The following CAMTA1 variants were observed in gnomAD, a reference collection of about 807,000 sequenced individuals.
CAMTA1 encodes calmodulin-binding transcription activator 1.
CAMTA1 carries 27 observed loss-of-function variants against 170.9 expected under a neutral mutation model. The observed-to-expected ratio is 0.16, with a 90% CI of 0.12 to 0.22. The LOEUF (loss-of-function observed/expected upper bound fraction) is 0.22. Among genes scored for constraint, CAMTA1 ranks in the 10% least tolerant of loss-of-function variants. CAMTA1 has a pLI of 1.00. For missense variants in CAMTA1, 1,619 were observed against 2,217.2 expected (o/e 0.73, Z 5.42); for synonymous variants, 833 against 891.5 (o/e 0.93, Z 1.17).
chr1:7,037,118 C>A lies in CAMTA1; in HGVS notation c.235-54186C>A, dbSNP rs567716642. ...AGCATTGTCTAAAGATTTACTTGAA[C>A]TAATTGAGTAGATGATGGAAAGAGA... On this transcript the variant is annotated intron_variant, in intron 3 of 22. Coordinates refer to ENST00000303635, the MANE Select transcript of CAMTA1 (RefSeq NM_015215.4). 6.6e-4 allele frequency among the ~76,000 whole-genome samples: 100 copies of A among 152,294 alleles called. 1 individual carries two copies. In the South Asian group the frequency reaches 0.019, roughly 30 times the overall value.
At chr1:7,261,208 C>T (rs1425107943) in intron 5 of CAMTA1, among the ~76,000 whole-genome samples, 1 of 152,188 alleles carries the variant, frequency 6.6e-6, no homozygotes, top group Non-Finnish European at 1.5e-5. Context: ...CCTTCCTTCC[C>T]TCTGGTTCCT....
intron 5 of CAMTA1, among the ~76,000 whole-genome samples, chr1:7,340,544 G>GCCTCCCTCCCCCCCCCCCCCCCCCC (rs772743867): frequency 3.8e-5 from 4 of 105,416 alleles, no homozygotes; most frequent in Admixed American, 1.0e-4. Flanking sequence ...CTGCCTGCCT[G>GCCTCCCTCCCCCCCCCCCCCCCCCC]CCTGCCTGCC....
chr1:7,267,938 A>C (rs1421010200), intron 5 of CAMTA1, among the ~76,000 whole-genome samples: 2 of 152,158 alleles, frequency 1.3e-5, no homozygotes, highest in Non-Finnish European at 2.9e-5. Flanking sequence ...CACCTATAAA[A>C]ATGTCCAGAG....
intron 7 of CAMTA1, among the ~76,000 whole-genome samples, chr1:7,649,985 A>T (rs1477984019): frequency 1.3e-5 from 2 of 152,220 alleles, no homozygotes; most frequent in African/African-American, 2.4e-5. Context: ...GGGAGCTCAG[A>T]GGCGGCTGCT....
chr1:7,031,213 G>A (rs1324216114), intron 3 of CAMTA1, among the ~76,000 whole-genome samples: 1 of 151,832 alleles, frequency 6.6e-6, no homozygotes, highest in Non-Finnish European at 1.5e-5. Context: ...ATTTCTTCTT[G>A]TATTTCTATC....
At chr1:6,892,899 A>C (rs1674836177) in intron 3 of CAMTA1, among the ~76,000 whole-genome samples, 1 of 152,082 alleles carries the variant, frequency 6.6e-6, no homozygotes, top group African/African-American at 2.4e-5. Flanking sequence ...ACTACAAAGT[A>C]AAATGTATGA....
intron 11 of CAMTA1, among the ~76,000 whole-genome samples, chr1:7,729,309 T>C (rs1212039419): frequency 6.6e-6 from 1 of 151,958 alleles, no homozygotes; most frequent in Non-Finnish European, 1.5e-5. Flanking sequence ...TAGTAGAGAC[T>C]GGGTTTCACC....
intron 5 of CAMTA1, among the ~76,000 whole-genome samples, chr1:7,309,509 C>T (rs981473933): frequency 1.1e-4 from 16 of 151,510 alleles, no homozygotes; most frequent in East Asian, 3.9e-4. Flanking sequence ...CCGTTTTAGC[C>T]GGGATGGTCT....
At chr1:7,460,661 A>G (rs578008554) in intron 5 of CAMTA1, among the ~76,000 whole-genome samples, 1 of 150,726 alleles carries the variant, frequency 6.6e-6, no homozygotes, top group Admixed American at 6.6e-5. Flanking sequence ...TTGCTTGAGG[A>G]TAGCATTAAA....
At position 7,727,373 on chromosome 1, in the gene CAMTA1, C is replaced by T. The variant is rs766534727; in HGVS notation, c.2915-5075C>T. The stretch of plus-strand genomic sequence containing the variant: ...TCCTGATCTTGTGATCCACCTGCCT[C>T]GGTCTCCCAAAGTGCTGGGATTACA... On this transcript the variant is annotated intron_variant, in intron 11 of 22. Transcript: ENST00000303635. 2.4e-4 allele frequency among the ~76,000 whole-genome samples: 37 copies of T among 152,324 alleles called. No homozygotes were observed. The East Asian group carries it at 4.6e-3, about 19-fold the overall frequency.
chr1:6,985,731 G>A lies in CAMTA1; in HGVS notation c.235-105573G>A, dbSNP rs79698227. ...ACGTCTATTATTAGCAGTGCACGGG[G>A]AGGATTGATGTACAGTGGGCTGTGT... On this transcript the variant is annotated intron_variant, in intron 3 of 22. Coordinates refer to ENST00000303635, the MANE Select transcript of CAMTA1 (RefSeq NM_015215.4). 3.4e-3 allele frequency among the ~76,000 whole-genome samples: 512 copies of A among 152,312 alleles called. 2 individuals are homozygous for A. Among genetic ancestry groups the A allele is most frequent in the Middle Eastern group, 0.01 (3 of 294 alleles).
intron 4 of CAMTA1, among the ~76,000 whole-genome samples, chr1:7,246,134 C>T (rs1340721559): frequency 1.3e-5 from 2 of 152,168 alleles, no homozygotes; most frequent in Non-Finnish European, 2.9e-5. Context: ...GGAGACTGGC[C>T]CCACAGCCTG....
At chr1:7,187,596 T>C (rs1653638138) in intron 4 of CAMTA1, among the ~76,000 whole-genome samples, 1 of 152,206 alleles carries the variant, frequency 6.6e-6, no homozygotes, top group Admixed American at 6.5e-5. Flanking sequence ...AAAGATGTAT[T>C]TTAAAAAATG....
intron 5 of CAMTA1, among the ~76,000 whole-genome samples, chr1:7,302,219 G>A (rs2149557679): frequency 6.6e-6 from 1 of 152,214 alleles, no homozygotes; most frequent in South Asian, 2.1e-4. Context: ...GCTCTTTGAA[G>A]CCTGGCTGGC....
At position 7,736,568 on chromosome 1, in the gene CAMTA1, G is replaced by A; in HGVS notation, c.3263+28G>A. On this transcript the variant is annotated intron_variant, in intron 13 of 22. Coordinates refer to ENST00000303635, the MANE Select transcript of CAMTA1 (RefSeq NM_015215.4). This position sits in a 1 kb window ranked among gnomAD's most constrained non-coding sequence, Gnocchi z 4.5. ...AAGGCTGTGGTGCAGCTGGCTGGGG[G>A]TCAGCCTCGCACATCCTCGCTCACA... 3.7e-6 allele frequency: 6 copies of A among 1,606,568 alleles called. No homozygotes were observed. Among genetic ancestry groups the A allele is most frequent in the Non-Finnish European group, 5.1e-6 (6 of 1,173,486 alleles).
chr1:7,068,929 C>G (rs1352561457), intron 3 of CAMTA1, among the ~76,000 whole-genome samples: 4 of 152,188 alleles, frequency 2.6e-5, no homozygotes, highest in Non-Finnish European at 5.9e-5. Flanking sequence ...AGACACTCTC[C>G]TCTAAGTTGC....
At chr1:7,016,844 A>G (rs1700623129) in intron 3 of CAMTA1, among the ~76,000 whole-genome samples, 1 of 152,184 alleles carries the variant, frequency 6.6e-6, no homozygotes, top group South Asian at 2.1e-4. Flanking sequence ...AAAAGAAGAA[A>G]AAAAAAAGGA....
chr1:7,234,254 C>T lies in CAMTA1; in HGVS notation c.303-15237C>T, dbSNP rs1385392810. 3.9e-5 allele frequency among the ~76,000 whole-genome samples: 6 copies of T among 152,176 alleles called. No individual in the cohort carries two copies. Among genetic ancestry groups the T allele is most frequent in the East Asian group, 1.9e-4 (1 of 5,188 alleles). On this transcript the variant is annotated intron_variant, in intron 4 of 22. Transcript: ENST00000303635. The surrounding 1 kb of genome is among the most constrained non-coding windows in gnomAD (Gnocchi z 5.0). ...ACCTGGGCCTCGCCACGCTCTCTAC[C>T]GAAAGCCCTTCCAGGGAGCCAGCAT...
intron 11 of CAMTA1, among the ~76,000 whole-genome samples, chr1:7,717,060 G>A (rs988861100): frequency 2.0e-5 from 3 of 152,156 alleles, no homozygotes; most frequent in Non-Finnish European, 4.4e-5. Context: ...CCTAGGCAGA[G>A]TCTTAAAAAG....
Sources: gnomAD v4.1 joint callset for allele counts (sites outside exome capture counted in the v4.1 genomes callset) on GRCh38, gnomAD v4.1.1 for gene constraint, Gnocchi (gnomAD v3.1) non-coding constraint, MANE v1.5 for transcripts, NCBI Gene and HGNC (gene_info 2026-07-23, HGNC 2026-07-21) for gene names.